Variants in FMNL1 observed in about 807,000 individuals in gnomAD.
FMNL1 encodes the protein formin like 1.
A neutral mutation model predicts 121.3 loss-of-function variants in FMNL1; 43 were observed. The observed-to-expected ratio is 0.35, with a 90% CI of 0.28 to 0.46. FMNL1 has a LOEUF of 0.46. Among genes scored for constraint, FMNL1 ranks in the 20% least tolerant of loss-of-function variants. The probability of loss-of-function intolerance (pLI) is 1.00; values close to 1 mark genes in which losing one functional copy is unlikely to be tolerated. For missense variants in FMNL1, 1,191 were observed against 1,482.4 expected, an observed-to-expected ratio of 0.80 and a Z score of 3.23; for synonymous variants, 613 against 613.5, an observed-to-expected ratio of 1.00 and a Z score of 0.01.
chr17:45,221,892 T>C lies in FMNL1; in HGVS notation c.-233T>C. The C allele has an allele frequency of 3.0e-6, 1 of 328,704 alleles. No individual in the cohort carries two copies. Among genetic ancestry groups the C allele is most frequent in the East Asian group, 4.6e-5 (1 of 21,848 alleles). 20.4% of individuals were successfully genotyped at this position (328,704 alleles called of 1,614,324 possible). On this transcript the variant is annotated 5_prime_UTR_variant, in exon 1 of 27. Coordinates refer to ENST00000331495, the MANE Select transcript of FMNL1 (RefSeq NM_005892.4). ...CCCGGCGGCCTGCAGCCTGACTTCC[T>C]CCCCCAACCCTGCAGCTCGCCGCCC...
chr17:45,246,836 G>T (rs2043849375), intron 26 of FMNL1, 31 bp from the exon 27 acceptor site: 3 of 708,278 alleles, frequency 4.2e-6, no homozygotes, highest in Admixed American at 4.0e-5. Flanking sequence ...GCGGACTCCT[G>T]AATGGTAAAT....
At chr17:45,224,217 C>T (rs541716303) in intron 1 of FMNL1, among the ~76,000 whole-genome samples, 57 of 152,306 alleles carry the variant, frequency 3.7e-4, no homozygotes, top group Non-Finnish European at 4.7e-4. Flanking sequence ...TCTAAGGACA[C>T]TTGGCTAAGA....
intron 25 of FMNL1, 72 bp downstream of exon 25, chr17:45,246,402 A>G (rs774995793): frequency 8.7e-6 from 14 of 1,612,684 alleles, no homozygotes; most frequent in African/African-American, 8.0e-5. Flanking sequence ...CCAATGCGCT[A>G]TCCTCTGGGG....
In FMNL1 at chr17:45,231,701, G is replaced by C. The variant is rs112534160; in HGVS notation, c.214-666G>C. 1.9e-3 allele frequency among the ~76,000 whole-genome samples: 293 copies of C among 152,210 alleles called. No individual in the cohort carries two copies. Among genetic ancestry groups the C allele is most frequent in the African/African-American group, 6.8e-3 (282 of 41,516 alleles). On this transcript the variant is annotated intron_variant, in intron 2 of 26. Coordinates refer to ENST00000331495, the MANE Select transcript of FMNL1 (RefSeq NM_005892.4). This position sits in a 1 kb window ranked among gnomAD's most constrained non-coding sequence, Gnocchi z 4.7. Reference sequence around the variant, plus strand: ...GCCTGCAGTGGGGTGGGGGGATTAGGAATTGCATCACTGAGCACAGGAGAG... The same window carrying C: ...GCCTGCAGTGGGGTGGGGGGATTAGCAATTGCATCACTGAGCACAGGAGAG...
intron 16 of FMNL1, 27 bp downstream of exon 16, chr17:45,242,492 G>A: frequency 6.2e-7 from 1 of 1,605,612 alleles, no homozygotes; most frequent in Non-Finnish European, 8.5e-7. Flanking sequence ...GGCTCCCCAT[G>A]TGGGCACCGG....
rs767299906 is a variant in FMNL1, at chr17:45,244,963, A to G, written c.2599-16A>G. The G allele has an allele frequency of 4.3e-6, 7 of 1,612,382 alleles. No homozygotes were observed. The highest frequency in any genetic ancestry group is 5.9e-6 in the Non-Finnish European group (7 of 1,178,760). On this transcript the variant is annotated splice_polypyrimidine_tract_variant and intron_variant, in intron 20 of 26. Transcript: ENST00000331495. ...ACTGGCTGGTGGCCTGTGGCTTACA[A>G]TGGGTCCTTGTGCAGCTGTTGGAGA...
At chr17:45,235,275 C>G (rs2043526762) in intron 6 of FMNL1, among the ~76,000 whole-genome samples, 1 of 152,150 alleles carries the variant, frequency 6.6e-6, no homozygotes. Context: ...CCTGGGAGCT[C>G]TGAGAAGGGA....
chr17:45,240,492 A>ATCT lies in FMNL1; in HGVS notation c.1097_1098insTCT (p.Glu366delinsAspLeu). 6.2e-7 allele frequency: 1 copy of ATCT among 1,612,874 alleles called. No homozygotes were observed. The highest frequency in any genetic ancestry group is 8.5e-7 in the Non-Finnish European group (1 of 1,179,378). On this transcript the variant is annotated protein_altering_variant, in exon 12 of 27. Coordinates refer to ENST00000331495, the MANE Select transcript of FMNL1 (RefSeq NM_005892.4). ...GGGGGACAGAGGCTTCGGCTCACCGAGAGTGACAAGCTGCAGGTGCAGATC... is the reference window on the plus strand; with the variant it reads ...GGGGGACAGAGGCTTCGGCTCACCGATCTGAGTGACAAGCTGCAGGTGCAGATC...
chr17:45,225,013 C>T (rs970933324), intron 1 of FMNL1, among the ~76,000 whole-genome samples: 6 of 152,226 alleles, frequency 3.9e-5, no homozygotes, highest in African/African-American at 7.2e-5. Flanking sequence ...TCCAGGCCTG[C>T]CAGAAGAGCC....
In FMNL1 at chr17:45,234,356, A is replaced by C. The variant is rs1042358370; in HGVS notation, c.614+156A>C. On this transcript the variant is annotated intron_variant, in intron 6 of 26. Transcript: ENST00000331495. Reference sequence around the variant, plus strand: ...GGACTCATACAGAGTTTGGGACACCAGTATGTTAAGAAGCCATCAGGGGTG... The same window carrying C: ...GGACTCATACAGAGTTTGGGACACCCGTATGTTAAGAAGCCATCAGGGGTG... 3.8e-6 allele frequency: 5 copies of C among 1,310,246 alleles called. No individual in the cohort carries two copies. The African/African-American group carries it at 4.4e-5, about 12-fold the overall frequency. 81.2% of individuals were successfully genotyped at this position (1,310,246 alleles called of 1,614,324 possible).
chr17:45,227,670 T>A (rs2043356163), intron 1 of FMNL1, among the ~76,000 whole-genome samples: 1 of 152,172 alleles, frequency 6.6e-6, no homozygotes, highest in Non-Finnish European at 1.5e-5. Flanking sequence ...CCCTGGGGTC[T>A]TCCATGGACC....
At position 45,233,778 on chromosome 17, in the gene FMNL1, T is replaced by C. The variant is rs750485342; in HGVS notation, c.485+47T>C. 12 of 1,606,272 alleles carry C rather than the reference T, an allele frequency of 7.5e-6. 1 individual carries two copies. The African/African-American group carries it at 1.5e-4, about 20-fold the overall frequency. ...CTCATGCCGCTCCTCAGAGCTTTGA[T>C]CCCCGTCTCCCTGCATCTCACCCAC... On this transcript the variant is annotated intron_variant, in intron 5 of 26. Coordinates refer to ENST00000331495, the MANE Select transcript of FMNL1 (RefSeq NM_005892.4). This position sits in a 1 kb window ranked among gnomAD's most constrained non-coding sequence, Gnocchi z 4.1.
rs982007800 is a variant in FMNL1 at position 45,232,025 on chromosome 17, C to G, written c.214-342C>G. ...CAGGGGTTTTTAAAGTGGCCCGATG[C>G]TAGCTGGGCGTGGTGGTGCACACCC... On this transcript the variant is annotated intron_variant, in intron 2 of 26. Coordinates refer to ENST00000331495, the MANE Select transcript of FMNL1 (RefSeq NM_005892.4). Among the ~76,000 whole-genome samples the G allele has an allele frequency of 3.9e-5, 6 of 152,236 alleles. No individual in the cohort carries two copies. The South Asian group carries it at 1.0e-3, about 26-fold the overall frequency.
At position 45,247,116 on chromosome 17, in the gene FMNL1, C is replaced by T; in HGVS notation, c.*258C>T. On this transcript the variant is annotated 3_prime_UTR_variant, in exon 27 of 27. Coordinates refer to ENST00000331495, the MANE Select transcript of FMNL1 (RefSeq NM_005892.4). ...ACGGGCTGGTGCATCCTCCTCTTGG[C>T]CACAGAGGGCAGCATCGCCCGCCCC... 1.7e-6 allele frequency: 1 copy of T among 593,946 alleles called. No individual in the cohort carries two copies. Among genetic ancestry groups the T allele is most frequent in the Non-Finnish European group, 3.0e-6 (1 of 329,928 alleles). The allele number at this position is 593,946 out of a possible 1,614,324, so 36.8% of individuals were successfully genotyped here. A position where few individuals can be genotyped will look rare whatever the true frequency, so the allele number is the denominator to read the frequency against.
Position 45,240,576 on chromosome 17 carries a change from A to G in FMNL1, c.1181A>G (p.Lys394Arg). Residue 394 changes from lysine to arginine, a missense_variant, in exon 12 of 27, where the codon AAG (lysine) becomes AGG (arginine). Lys to Arg is a conservative substitution (Grantham distance 26). Transcript: ENST00000331495. ...GCGCTGCTGGAGGACACAGAGACCA[A>G]GAACGCTGTGCTGGAGCACATGGAG... ...VGALLEDTET[K>R]NAVLEHMEEL... is the part of the protein sequence containing the mutation. The G allele has an allele frequency of 6.2e-7, 1 of 1,613,960 alleles. No homozygotes were observed. The highest frequency in any genetic ancestry group is 8.5e-7 in the Non-Finnish European group (1 of 1,179,980).
intron 20 of FMNL1, 36 bp from the exon 21 acceptor site, chr17:45,244,943 C>A: frequency 6.2e-7 from 1 of 1,611,860 alleles, no homozygotes; most frequent in Non-Finnish European, 8.5e-7. Flanking sequence ...TGGGGACTGG[C>A]TGGTGGCCTG....
rs1428590425 is a variant in FMNL1 at position 45,231,996 on chromosome 17, A to C, written c.214-371A>C. On this transcript the variant is annotated intron_variant, in intron 2 of 26. Coordinates refer to ENST00000331495, the MANE Select transcript of FMNL1 (RefSeq NM_005892.4). This position sits in a 1 kb window ranked among gnomAD's most constrained non-coding sequence, Gnocchi z 4.7. ...CATACAGGAAGGGCAGGCTAGGCCT[A>C]GGCCAGGGGTTTTTAAAGTGGCCCG... Among the ~76,000 whole-genome samples, 1 of 152,140 alleles carries C rather than the reference A, an allele frequency of 6.6e-6. No individual in the cohort carries two copies. The highest frequency in any genetic ancestry group is 1.5e-5 in the Non-Finnish European group (1 of 68,016).
rs183575714 is a variant in FMNL1 at position 45,225,888 on chromosome 17, C to T, written c.129+3635C>T. On this transcript the variant is annotated intron_variant, in intron 1 of 26. Transcript: ENST00000331495. ...GCATCTGCTGGCCTCCTAGGATTGTCGAGAGGGTGAAATAGAGGACTTCGC... is the reference window on the plus strand; with the variant it reads ...GCATCTGCTGGCCTCCTAGGATTGTTGAGAGGGTGAAATAGAGGACTTCGC... Among the ~76,000 whole-genome samples the T allele has an allele frequency of 4.6e-3, 705 of 152,238 alleles. 5 individuals are homozygous for T. The highest frequency in any genetic ancestry group is 8.3e-3 in the Admixed American group (127 of 15,296).
At chr17:45,223,489 G>A (rs963113194) in intron 1 of FMNL1, among the ~76,000 whole-genome samples, 6 of 152,196 alleles carry the variant, frequency 3.9e-5, no homozygotes, top group South Asian at 2.1e-4. Flanking sequence ...ATGGGGTGGC[G>A]AGGGATCCAT....
Sources: allele counts gnomAD v4.1 joint callset (sites outside exome capture counted in the v4.1 genomes callset), GRCh38; gene constraint gnomAD v4.1.1; non-coding constraint Gnocchi (gnomAD v3.1); transcripts MANE v1.5; gene names NCBI Gene and HGNC (gene_info 2026-07-23, HGNC 2026-07-21).